Variants in MACF1 observed in about 807,000 individuals in gnomAD.
MACF1 encodes the protein microtubule-actin cross-linking factor 1.
Under a neutral mutation model 854.8 loss-of-function variants are expected in MACF1, and 193 were observed. The ratio of observed to expected loss-of-function variants is 0.23; its 90% CI spans 0.20 to 0.25. The LOEUF (loss-of-function observed/expected upper bound fraction) is 0.25. MACF1 is among the 10% of genes least tolerant of loss of function. The pLI, the probability that MACF1 is intolerant of heterozygous loss-of-function variation, is 1.00. For synonymous variants in MACF1, 3,185 were observed against 3,226.7 expected (o/e 0.99, Z 0.44); for missense variants, 7,722 against 8,929.1 (o/e 0.86, Z 5.45).
Position 39,385,069 on chromosome 1 carries a change from C to T in MACF1, c.13849-365C>T, listed in dbSNP as rs548727142. Among the ~76,000 whole-genome samples, 7 of 152,194 alleles carry T rather than the reference C, an allele frequency of 4.6e-5. No individual in the cohort carries two copies. In the East Asian group the frequency reaches 1.4e-3, roughly 29 times the overall value. On this transcript the variant is annotated intron_variant, in intron 56 of 100. Coordinates refer to ENST00000564288, the MANE Select transcript of MACF1 (RefSeq NM_001394062.1). ...TCCAACATCAGTTTTTGTTTTGACACTGCTTTTTCTTTTTTGGAGACAAGG... is the reference window on the plus strand; with the variant it reads ...TCCAACATCAGTTTTTGTTTTGACATTGCTTTTTCTTTTTTGGAGACAAGG...
rs763904414 is a variant in MACF1, at chr1:39,336,622, G to T, written c.10034G>T (p.Gly3345Val). ...MTAPEGKGNG[G>V]VNPEPFRATQ... is the part of the protein sequence containing the mutation. ...GCACCTGAAGGAAAGGGAAATGGAG[G>T]TGTAAACCCAGAGCCCTTCAGAGCA... The change falls in exon 37 of 101, where the codon GGT (glycine) becomes GTT (valine). Residue 3345 changes from glycine to valine, a missense_variant. Around this residue, in one of 15 missense-constraint regions of MACF1, gnomAD observed 854 missense variants for 852.6 expected, o/e 1.00. Coordinates refer to ENST00000564288, the MANE Select transcript of MACF1 (RefSeq NM_001394062.1). 7.4e-6 allele frequency: 12 copies of T among 1,612,820 alleles called. No homozygotes were observed. The East Asian group carries it at 2.7e-4, about 36-fold the overall frequency.
At position 39,333,384 on chromosome 1, in the gene MACF1, G is replaced by GGCAGGGAAATTTTTCTGTCAT. The variant is rs765304496; in HGVS notation, c.6801_6821dup (p.Arg2267_Cys2273dup). The GGCAGGGAAATTTTTCTGTCAT allele has an allele frequency of 6.2e-7, 1 of 1,614,032 alleles. No individual in the cohort carries two copies. Among genetic ancestry groups the GGCAGGGAAATTTTTCTGTCAT allele is most frequent in the Non-Finnish European group, 8.5e-7 (1 of 1,179,972 alleles). On this transcript the variant is annotated inframe_insertion, in exon 37 of 101. Transcript: ENST00000564288. ...AGAAAAGACCGATGAGGAAGATAGT[G>GGCAGGGAAATTTTTCTGTCAT]GCAGGGAAATTTTTCTGTCATGCAG...
upstream of MACF1, among the ~76,000 whole-genome samples, chr1:39,203,996 G>A (rs541942556): frequency 6.6e-6 from 1 of 152,238 alleles, no homozygotes; most frequent in African/African-American, 2.4e-5. Flanking sequence ...GTCTAAGGCC[G>A]GGCACAGTGG....
At chr1:39,246,667 C>T (rs1282235494) in intron 2 of MACF1, among the ~76,000 whole-genome samples, 5 of 151,982 alleles carry the variant, frequency 3.3e-5, no homozygotes, top group Admixed American at 3.3e-4. Context: ...CACGACCACA[C>T]CCGGCTAATT....
chr1:39,123,310 C>T (rs7543939), intron 2 of MACF1, among the ~76,000 whole-genome samples: 10,388 of 145,146 alleles, frequency 0.072, 571 homozygotes, highest in African/African-American at 0.16. Flanking sequence ...CAGGTTGAAG[C>T]GATTCTCGTG....
chr1:39,314,333 C>T (rs1010783718), intron 26 of MACF1, among the ~76,000 whole-genome samples: 6 of 151,984 alleles, frequency 3.9e-5, no homozygotes, highest in South Asian at 2.1e-4. Context: ...CATTTGTACC[C>T]GGGAGGCGGA....
rs1646804491 is a variant in MACF1, at chr1:39,336,036, T to C, written c.9448T>C (p.Trp3150Arg). 6.2e-7 allele frequency: 1 copy of C among 1,614,044 alleles called. No individual in the cohort carries two copies. Among genetic ancestry groups the C allele is most frequent in the African/African-American group, 1.3e-5 (1 of 74,926 alleles). Residue 3150 changes from tryptophan (W) to arginine (R), a missense_variant, in exon 37 of 101, where the codon TGG (tryptophan) becomes CGG (arginine). Physicochemically the swap from Trp to Arg is moderately radical, Grantham distance 101. Transcript: ENST00000564288. ...ACAGGAGACCAACTATCAAGATTCC[T>C]GGGTTACTTCGAAAACTAAGGAAAC... Reference protein sequence around the residue: ...TRQETNYQDSWVTSKTKETKH... With the variant: ...TRQETNYQDSRVTSKTKETKH...
intron 2 of MACF1, among the ~76,000 whole-genome samples, chr1:39,138,708 A>C (rs533405487): frequency 7.9e-5 from 12 of 152,020 alleles, no homozygotes; most frequent in Non-Finnish European, 1.5e-4. Context: ...TCTGTCACCC[A>C]CGCTGTAGTG....
intron 2 of MACF1, among the ~76,000 whole-genome samples, chr1:39,117,365 GCCTTGTTTTGCGCT>G (rs1339436159): frequency 1.3e-5 from 2 of 152,116 alleles, no homozygotes; most frequent in African/African-American, 4.8e-5. Context: ...GCCACAGTGT[GCCTTGTTTTGCGCT>G]CCTTGTTTTG....
Position 39,167,208 on chromosome 1 carries a change from C to T in MACF1, c.221-63974C>T, listed in dbSNP as rs971214838. 9.3e-5 allele frequency among the ~76,000 whole-genome samples: 14 copies of T among 150,934 alleles called. No homozygotes were observed. In the East Asian group the frequency reaches 2.0e-3, roughly 22 times the overall value. ...AACTCCTGACCTTGGGTGATCCACCCACCTCGGCCTCCCAAAGTGCTGGGA... is the reference window on the plus strand; with the variant it reads ...AACTCCTGACCTTGGGTGATCCACCTACCTCGGCCTCCCAAAGTGCTGGGA... On this transcript the variant is annotated intron_variant, in intron 2 of 93. Transcript: ENST00000361689.
chr1:39,442,572 G>A lies in MACF1; in HGVS notation c.19104+5G>A, dbSNP rs1644140493. On this transcript the variant is annotated splice_donor_5th_base_variant and intron_variant, in intron 77 of 100. Transcript: ENST00000564288. Reference sequence around the variant, plus strand: ...GTTGAGCTCGCAAAGCACCATGTAAGTATTTTCATTTTTTCATCTCTAACC... The same window carrying A: ...GTTGAGCTCGCAAAGCACCATGTAAATATTTTCATTTTTTCATCTCTAACC... 5.6e-6 allele frequency: 9 copies of A among 1,614,008 alleles called. No individual in the cohort carries two copies. The highest frequency in any genetic ancestry group is 1.3e-5 in the African/African-American group (1 of 75,028).
chr1:39,435,791 G>A (rs770321003), intron 70 of MACF1, 30 bp downstream of exon 70: 309 of 1,601,144 alleles, frequency 1.9e-4, no homozygotes, highest in Non-Finnish European at 2.6e-4. Flanking sequence ...TCATAACCTT[G>A]AATTGTCTAC....
rs1264873861 is a variant in MACF1 at position 39,335,323 on chromosome 1, A to C, written c.8735A>C (p.Lys2912Thr). 1.2e-6 allele frequency: 2 copies of C among 1,614,024 alleles called. No individual in the cohort carries two copies. The highest frequency in any genetic ancestry group is 2.7e-5 in the African/African-American group (2 of 75,042). ...MGNDTNEEQEKAVTKIEIISH... is the reference protein window; with the variant it reads ...MGNDTNEEQETAVTKIEIISH... ...AATGATACAAATGAAGAGCAGGAAA[A>C]AGCAGTGACAAAAATAGAAATTATT... Residue 2912 changes from lysine (K) to threonine (T), a missense_variant, in exon 37 of 101, where the codon AAA becomes ACA. This residue lies in a region of MACF1 where 854 missense variants were observed against 852.6 expected (regional missense o/e 1.00). Coordinates refer to ENST00000564288, the MANE Select transcript of MACF1 (RefSeq NM_001394062.1).
At chr1:39,427,408 TA>T in intron 61 of MACF1, 46 bp from the exon 62 acceptor site, 1 of 1,570,224 alleles carries the variant, frequency 6.4e-7, no homozygotes, top group Non-Finnish European at 8.7e-7. Flanking sequence ...TTACCAGTTT[TA>T]ATGTGACTTT....
Position 39,452,682 on chromosome 1 carries a change from A to G in MACF1, c.20614-2A>G. On this transcript the variant is annotated splice_acceptor_variant, in intron 86 of 100. Coordinates refer to ENST00000564288, the MANE Select transcript of MACF1 (RefSeq NM_001394062.1). LOFTEE classifies it high-confidence loss of function. ...TGAATCTTTTGTGCTTGGTTATTTC[A>G]GGCGGAAGTGTTTCGAGACACAGTC... is the stretch of plus-strand genomic sequence containing the variant. The G allele has an allele frequency of 6.2e-7, 1 of 1,612,634 alleles. No homozygotes were observed. Among genetic ancestry groups the G allele is most frequent in the Non-Finnish European group, 8.5e-7 (1 of 1,179,936 alleles).
intron 2 of MACF1, chr1:39,103,245 C>T (rs2148133957): frequency 3.0e-6 from 1 of 338,540 alleles, no homozygotes; most frequent in South Asian, 2.4e-5. Context: ...TCTTTCTTCA[C>T]CTTTGGCAAG....
intron 95 of MACF1, among the ~76,000 whole-genome samples, chr1:39,467,133 G>A (rs1415482130): frequency 2.0e-5 from 3 of 152,150 alleles, no homozygotes; most frequent in East Asian, 1.9e-4. Context: ...TTGGGAGGCC[G>A]AGACGGGCAG....
chr1:39,420,975 C>G (rs1353969571), intron 58 of MACF1, among the ~76,000 whole-genome samples: 1 of 151,374 alleles, frequency 6.6e-6, no homozygotes, highest in Non-Finnish European at 1.5e-5. Flanking sequence ...ACTCCATTCT[C>G]CTGCCTCAGC....
chr1:39,312,875 C>G (rs570644871), intron 26 of MACF1, among the ~76,000 whole-genome samples: 109 of 152,246 alleles, frequency 7.2e-4, no homozygotes, highest in Admixed American at 2.0e-3. Flanking sequence ...GCTATCCAAG[C>G]TCACGCCTCA....
Sources: gnomAD v4.1 joint callset for allele counts (sites outside exome capture counted in the v4.1 genomes callset) on GRCh38, gnomAD v4.1.1 for gene constraint, gnomAD v4.1.1 regional missense constraint, MANE v1.5 for transcripts, NCBI Gene and HGNC (gene_info 2026-07-23, HGNC 2026-07-21) for gene names.